MXRA8: variants seen among roughly 807,000 people sequenced by gnomAD.
MXRA8 encodes the protein matrix remodeling associated 8.
In MXRA8, 44 loss-of-function variants were observed where a neutral mutation model predicts 51.4. That is an observed-to-expected ratio of 0.86 (90% CI 0.67 to 1.10). The LOEUF (loss-of-function observed/expected upper bound fraction) is 1.10. MXRA8 is among the 50% of genes least tolerant of loss of function. MXRA8 has a pLI of 0.00. For missense variants in MXRA8, 765 were observed against 638.9 expected, an observed-to-expected ratio of 1.20 and a Z score of -2.13; for synonymous variants, 369 against 293.5, an observed-to-expected ratio of 1.26 and a Z score of -2.63.
chr1:1,360,917 C>T (rs1452265700), upstream of MXRA8, among the ~76,000 whole-genome samples: 4 of 151,914 alleles, frequency 2.6e-5, no homozygotes, highest in Non-Finnish European at 5.9e-5. Context: ...CGCATGCACA[C>T]GAAGACACAT....
chr1:1,355,207 AGGGGCGGGAGCTGG>A (rs1644098120), intron 4 of MXRA8, 23 bp downstream of exon 4: 19 of 731,902 alleles, frequency 2.6e-5, no homozygotes, highest in Admixed American at 4.7e-5. Flanking sequence ...TCGAGGGTCG[AGGGGCGGGAGCTGG>A]GGGGCGGGGG....
At chr1:1,361,133 G>A (rs974362787), upstream of MXRA8, 25 of 697,568 alleles carry the variant, frequency 3.6e-5, no homozygotes, top group Middle Eastern at 2.3e-4. Flanking sequence ...GAAGACACAC[G>A]GACACACAGA....
chr1:1,359,820 C>A (rs1569813171), upstream of MXRA8, among the ~76,000 whole-genome samples: 1 of 152,234 alleles, frequency 6.6e-6, no homozygotes, highest in Non-Finnish European at 1.5e-5. Context: ...CCGCCACCCC[C>A]ACTCCCTCCC....
upstream of MXRA8, among the ~76,000 whole-genome samples, chr1:1,360,937 GAC>G (rs941513309): frequency 6.6e-5 from 10 of 151,356 alleles, no homozygotes; most frequent in East Asian, 2.0e-4. Context: ...TGGAGACACA[GAC>G]ACGCATGCAC....
chr1:1,353,756 C>T, intron 9 of MXRA8, 92 bp downstream of exon 9: 2 of 1,472,746 alleles, frequency 1.4e-6, no homozygotes, highest in East Asian at 2.4e-5. Flanking sequence ...GGGCCCCGGG[C>T]CTGGCTGGTG....
upstream of MXRA8, among the ~76,000 whole-genome samples, chr1:1,362,404 C>G (rs191664351): frequency 3.9e-5 from 6 of 152,092 alleles, no homozygotes; most frequent in South Asian, 2.1e-4. Context: ...TGCAGTGAGA[C>G]GGGCTGCCTG....
chr1:1,354,744 G>A lies in MXRA8; in HGVS notation c.887C>T (p.Ala296Val), dbSNP rs751339539. 1 of 1,610,168 alleles carries A rather than the reference G, an allele frequency of 6.2e-7. No homozygotes were observed. Among genetic ancestry groups the A allele is most frequent in the South Asian group, 1.1e-5 (1 of 90,906 alleles). ...CGGAGAGCCCCGGGGGGGCGGCTCCGCGTGGGGTTCGGCGACCGTCAGGTG... is the reference window on the plus strand; with the variant it reads ...CGGAGAGCCCCGGGGGGGCGGCTCCACGTGGGGTTCGGCGACCGTCAGGTG... The part of the protein sequence containing the change: ...VFHLTVAEPH[A>V]EPPPRGSPGN... The change falls in exon 5 of 10, where the codon GCG (alanine) becomes GTG (valine). Residue 296 changes from alanine to valine, a missense_variant. Transcript: ENST00000309212.
chr1:1,355,419 AC>A (rs1557683403), intron 3 of MXRA8, 30 bp downstream of exon 3: 4 of 1,486,100 alleles, frequency 2.7e-6, no homozygotes, highest in Non-Finnish European at 3.6e-6. Flanking sequence ...CCCTGCCCCG[AC>A]CCCGCGGCCC....
upstream of MXRA8, chr1:1,359,395 T>A: frequency 2.0e-6 from 2 of 985,390 alleles, no homozygotes; most frequent in Non-Finnish European, 2.4e-6. Context: ...AAATGCGAAA[T>A]AACAGCCTGC....
upstream of MXRA8, chr1:1,361,473 G>C: frequency 1.7e-6 from 1 of 590,584 alleles, no homozygotes; most frequent in Non-Finnish European, 3.0e-6. Context: ...GAGGACGGAC[G>C]GACCCAAGGA....
Position 1,356,692 on chromosome 1 carries a change from A to G in MXRA8, c.62T>C (p.Leu21Pro), listed in dbSNP as rs749809802. ...KLVLLQSSAVLLHSGSSVPAA... is the reference protein window; with the variant it reads ...KLVLLQSSAVPLHSGSSVPAA... ...CTGGGGTCACTAACCTGAGTGCAGG[A>G]GAACAGCAGAGCCTGGAAGGAGAGG... The change falls in exon 2 of 10, where the codon CTC becomes CCC. Residue 21 changes from leucine (L) to proline (P), a missense_variant. Transcript: ENST00000309212. 2.1e-6 allele frequency: 3 copies of G among 1,428,012 alleles called. No individual in the cohort carries two copies. The East Asian group carries it at 8.0e-5, about 38-fold the overall frequency. The allele number at this position is 1,428,012 out of a possible 1,614,324, so 88.5% of individuals were successfully genotyped here.
At chr1:1,358,841 G>A (rs1200052310), upstream of MXRA8, 15 of 1,097,174 alleles carry the variant, frequency 1.4e-5, no homozygotes, top group African/African-American at 1.7e-5. Flanking sequence ...GGAGCCTCCC[G>A]GGCCTGTGGT....
Position 1,356,668 on chromosome 1 carries a change from TG to T in MXRA8, c.73+12del. ...GGGAGTGGGGGTGGGCAGCTGGGGCTGGGGTCACTAACCTGAGTGCAGGAGA... is the reference window on the plus strand; with the variant it reads ...GGGAGTGGGGGTGGGCAGCTGGGGCTGGGTCACTAACCTGAGTGCAGGAGA... On this transcript the variant is annotated intron_variant, in intron 2 of 9. Transcript: ENST00000309212. 3 of 1,334,062 alleles carry T rather than the reference TG, an allele frequency of 2.2e-6. No homozygotes were observed. Among genetic ancestry groups the T allele is most frequent in the Non-Finnish European group, 1.9e-6 (2 of 1,029,724 alleles). The allele number at this position is 1,334,062 out of a possible 1,614,324, so 82.6% of individuals were successfully genotyped here.
upstream of MXRA8, chr1:1,358,995 G>T (rs143070056): frequency 0.015 from 14,725 of 985,430 alleles, 122 homozygotes; most frequent in Non-Finnish European, 0.016. Flanking sequence ...CCCCACCCAC[G>T]GTGCACGCTG....
Position 1,354,362 on chromosome 1 carries a change from C to A in MXRA8, c.1097G>T (p.Arg366Leu). ...TGCCGGGGCAGCCTCACCTCCGCGG[C>A]GCCTGCGGGCGGCCAGGAGGACAGT... ...LVTVLLAARRRRGGYEYSDQK... is the reference protein window; with the variant it reads ...LVTVLLAARRLRGGYEYSDQK... Residue 366 changes from arginine to leucine, a missense_variant, in exon 6 of 10, where the codon CGC (arginine) becomes CTC (leucine). Coordinates refer to ENST00000309212, the MANE Select transcript of MXRA8 (RefSeq NM_032348.4). The A allele has an allele frequency of 1.2e-6, 2 of 1,610,628 alleles. No individual in the cohort carries two copies. The highest frequency in any genetic ancestry group is 1.7e-6 in the Non-Finnish European group (2 of 1,179,118).
rs1644113002 is a variant in MXRA8, at chr1:1,355,744, C to G, written c.82G>C (p.Val28Leu). ...SAVLLHSGSS[V>L]PAAAGSSVVS... Reference sequence around the variant, plus strand: ...ACGGAGCTGCCAGCAGCGGCGGGTACCGAGGACCCTGGTGGGGGAGGGGAG... The same window carrying G: ...ACGGAGCTGCCAGCAGCGGCGGGTAGCGAGGACCCTGGTGGGGGAGGGGAG... Residue 28 changes from valine (V) to leucine (L), a missense_variant, in exon 3 of 10, where the codon GTA becomes CTA. By Grantham distance (32) the Val-to-Leu change is conservative. Transcript: ENST00000309212. 7.7e-7 allele frequency: 1 copy of G among 1,292,642 alleles called. No homozygotes were observed. Among genetic ancestry groups the G allele is most frequent in the African/African-American group, 1.6e-5 (1 of 61,538 alleles). The allele number at this position is 1,292,642 out of a possible 1,614,324, so 80.1% of individuals were successfully genotyped here.
upstream of MXRA8, among the ~76,000 whole-genome samples, chr1:1,362,489 C>A (rs531851371): frequency 6.6e-6 from 1 of 151,482 alleles, no homozygotes; most frequent in African/African-American, 2.4e-5. Context: ...TTTTAAGCCA[C>A]AAAGTCTCGG....
intron 1 of MXRA8, 65 bp downstream of exon 1, chr1:1,358,390 GT>G (rs1644174729): frequency 6.5e-7 from 1 of 1,528,488 alleles, no homozygotes; most frequent in African/African-American, 1.4e-5. Context: ...GGGCGGTTTT[GT>G]CCGAAACGGA....
At position 1,353,411 on chromosome 1, in the gene MXRA8, G is replaced by A. The variant is rs946110580; in HGVS notation, c.*193C>T. The A allele has an allele frequency of 1.6e-5, 25 of 1,530,230 alleles. No individual in the cohort carries two copies. The highest frequency in any genetic ancestry group is 2.5e-5 in the East Asian group (1 of 40,566). The allele number at this position is 1,530,230 out of a possible 1,614,324, so 94.8% of individuals were successfully genotyped here. A position where few individuals can be genotyped will look rare whatever the true frequency, so the allele number is the denominator to read the frequency against. On this transcript the variant is annotated 3_prime_UTR_variant, in exon 10 of 10. Transcript: ENST00000309212. ...GCCACCCGTGAGCAAAGGCCGCAGG[G>A]GTGGGGGCTATGCTGCCACCAAGCC...
Sources: gnomAD v4.1 joint callset for allele counts (sites outside exome capture counted in the v4.1 genomes callset) on GRCh38, gnomAD v4.1.1 for gene constraint, MANE v1.5 for transcripts, NCBI Gene and HGNC (gene_info 2026-07-23, HGNC 2026-07-21) for gene names.